CLSTN2: variants seen among roughly 807,000 people sequenced by gnomAD.
CLSTN2 encodes the protein calsyntenin 2.
In CLSTN2, 48 loss-of-function variants were observed where a neutral mutation model predicts 101.2. The ratio of observed to expected loss-of-function variants is 0.47; its 90% CI spans 0.38 to 0.60. The LOEUF (loss-of-function observed/expected upper bound fraction) is 0.60, where lower values mean the gene tolerates loss of function less well. CLSTN2 is among the 20% of genes least tolerant of loss of function. The pLI is 0.00. For synonymous variants in CLSTN2, 481 were observed against 463.6 expected (o/e 1.04, Z -0.48); for missense variants, 1,160 against 1,238.2 (o/e 0.94, Z 0.95).
At chr3:140,535,829 C>T (rs914273086) in intron 9 of CLSTN2, among the ~76,000 whole-genome samples, 1 of 152,220 alleles carries the variant, frequency 6.6e-6, no homozygotes, top group Non-Finnish European at 1.5e-5. Flanking sequence ...TGCCTATGCT[C>T]TTTTCACTGT....
At chr3:140,411,046 C>G (rs538980540) in intron 4 of CLSTN2, among the ~76,000 whole-genome samples, 1 of 152,184 alleles carries the variant, frequency 6.6e-6, no homozygotes, top group Non-Finnish European at 1.5e-5. Context: ...ACAAAACAAC[C>G]AGCAAAGGTT....
chr3:140,009,808 T>C (rs900768262), intron 1 of CLSTN2, among the ~76,000 whole-genome samples: 2 of 152,234 alleles, frequency 1.3e-5, no homozygotes, highest in African/African-American at 4.8e-5. Flanking sequence ...CAAAAGAAGC[T>C]GTAGCATCCA....
At chr3:140,333,729 TA>T (rs991789523) in intron 2 of CLSTN2, among the ~76,000 whole-genome samples, 4 of 151,736 alleles carry the variant, frequency 2.6e-5, no homozygotes, top group African/African-American at 9.7e-5. Context: ...TGAATTAATT[TA>T]AAATTATTGT....
chr3:140,277,966 G>T (rs557398646), intron 2 of CLSTN2, among the ~76,000 whole-genome samples: 135 of 152,292 alleles, frequency 8.9e-4, no homozygotes, highest in African/African-American at 3.0e-3. Flanking sequence ...TAAACAGGCA[G>T]CCCAGGTTCT....
chr3:140,444,284 G>T (rs1933028041), intron 5 of CLSTN2, among the ~76,000 whole-genome samples: 2 of 152,118 alleles, frequency 1.3e-5, no homozygotes. Flanking sequence ...ACAAAAATTG[G>T]CTGGGCGTGG....
chr3:140,306,807 C>A (rs1649230733), intron 2 of CLSTN2, among the ~76,000 whole-genome samples: 1 of 151,792 alleles, frequency 6.6e-6, no homozygotes, highest in South Asian at 2.1e-4. Context: ...TTTGTTTCAA[C>A]CCCATCAGAG....
chr3:140,389,777 A>T (rs1368239780), intron 2 of CLSTN2, among the ~76,000 whole-genome samples: 1 of 152,200 alleles, frequency 6.6e-6, no homozygotes, highest in African/African-American at 2.4e-5. Flanking sequence ...ATTTCTTCAC[A>T]ACCTCATCAG....
At chr3:140,436,830 C>T (rs191702439) in intron 5 of CLSTN2, among the ~76,000 whole-genome samples, 1 of 152,290 alleles carries the variant, frequency 6.6e-6, no homozygotes, top group African/African-American at 2.4e-5. Flanking sequence ...TCACTTTCAG[C>T]CACAGTTTAA....
chr3:140,117,765 A>G (rs1049049583), intron 1 of CLSTN2, among the ~76,000 whole-genome samples: 1 of 152,184 alleles, frequency 6.6e-6, no homozygotes, highest in African/African-American at 2.4e-5. Flanking sequence ...AGTTATGCCC[A>G]TCTTACAGAT....
chr3:140,463,383 A>G (rs17348694), intron 7 of CLSTN2, among the ~76,000 whole-genome samples: 70,737 of 151,914 alleles, frequency 0.47, 17,488 homozygotes, highest in African/African-American at 0.64. Flanking sequence ...AGAGATGGAG[A>G]TGTCAGCCTG....
intron 2 of CLSTN2, among the ~76,000 whole-genome samples, chr3:140,193,163 G>T (rs1303460671): frequency 6.6e-6 from 1 of 151,130 alleles, no homozygotes; most frequent in Non-Finnish European, 1.5e-5. Context: ...GTGATTTAAA[G>T]AACTCAAGAG....
intron 1 of CLSTN2, among the ~76,000 whole-genome samples, chr3:140,031,208 A>T (rs887052391): frequency 3.9e-5 from 6 of 152,222 alleles, no homozygotes; most frequent in African/African-American, 1.4e-4. Context: ...TTATGTTATA[A>T]ATCAAACTGG....
intron 1 of CLSTN2, among the ~76,000 whole-genome samples, chr3:140,006,578 A>G (rs1267575388): frequency 1.3e-5 from 2 of 152,188 alleles, no homozygotes; most frequent in African/African-American, 2.4e-5. Flanking sequence ...TGCTCCCTAA[A>G]TAAGATCCAC....
intron 2 of CLSTN2, among the ~76,000 whole-genome samples, chr3:140,266,719 A>G (rs1197638550): frequency 1.3e-5 from 2 of 152,222 alleles, no homozygotes; most frequent in Non-Finnish European, 2.9e-5. Flanking sequence ...TTGTTGGACT[A>G]ATGGTCAAAA....
At chr3:140,487,788 T>G (rs975170812) in intron 8 of CLSTN2, among the ~76,000 whole-genome samples, 4 of 152,230 alleles carry the variant, frequency 2.6e-5, no homozygotes, top group African/African-American at 7.2e-5. Context: ...TGCTTCTGTT[T>G]CCATCAAACA....
At chr3:140,359,157 G>C (rs13319247) in intron 2 of CLSTN2, among the ~76,000 whole-genome samples, 72,660 of 151,028 alleles carry the variant, frequency 0.48, 18,051 homozygotes, top group Non-Finnish European at 0.53. Flanking sequence ...AAAAAAAAAG[G>C]CTTTGGTTCT....
At chr3:140,189,886 A>C (rs1458098848) in intron 2 of CLSTN2, among the ~76,000 whole-genome samples, 3 of 152,146 alleles carry the variant, frequency 2.0e-5, no homozygotes, top group South Asian at 2.1e-4. Flanking sequence ...TGCCATAAAA[A>C]AATACCATAG....
At chr3:140,056,248 C>T (rs1437207579) in intron 1 of CLSTN2, among the ~76,000 whole-genome samples, 2 of 152,194 alleles carry the variant, frequency 1.3e-5, no homozygotes, top group Non-Finnish European at 2.9e-5. Context: ...ACCTCAGCAC[C>T]TAGCACAGTG....
chr3:140,339,194 AG>A (rs2087469425), intron 2 of CLSTN2, among the ~76,000 whole-genome samples: 1 of 152,202 alleles, frequency 6.6e-6, no homozygotes, highest in Non-Finnish European at 1.5e-5. Flanking sequence ...GTTAGATCAA[AG>A]GTTCTCAGGG....
Sources: allele counts gnomAD v4.1 joint callset (sites outside exome capture counted in the v4.1 genomes callset), GRCh38; gene constraint gnomAD v4.1.1; transcripts MANE v1.5; gene names NCBI Gene and HGNC (gene_info 2026-07-23, HGNC 2026-07-21).